SMG7: variants seen among roughly 807,000 people sequenced by gnomAD.
SMG7 encodes nonsense-mediated mRNA decay factor SMG7.
Under a neutral mutation model 148.2 loss-of-function variants are expected in SMG7, and 34 were observed. The observed-to-expected ratio is 0.23, with a 90% CI of 0.17 to 0.31. SMG7 has a LOEUF of 0.31. Among genes scored for constraint, SMG7 ranks in the 10% least tolerant of loss-of-function variants. The pLI is 1.00. For missense variants in SMG7, 1,114 were observed against 1,408.4 expected (o/e 0.79, Z 3.35); for synonymous variants, 492 against 515.1 (o/e 0.96, Z 0.61).
chr1:183,519,080 CT>C (rs1208859076), intron 4 of SMG7, among the ~76,000 whole-genome samples: 1 of 152,136 alleles, frequency 6.6e-6, no homozygotes, highest in Non-Finnish European at 1.5e-5. Context: ...GTAATCCCAG[CT>C]ACTCTGGAGG....
At position 183,551,828 on chromosome 1, in the gene SMG7, C is replaced by T. The variant is rs748907662; in HGVS notation, c.3461C>T (p.Ser1154Phe). 1 of 1,611,090 alleles carries T rather than the reference C, an allele frequency of 6.2e-7. No homozygotes were observed. The highest frequency in any genetic ancestry group is 1.1e-5 in the South Asian group (1 of 90,724). ...TGGACTGTTTTTCAGTCTATCTGGTCCAGTTCCATGATGCATCCTGGACCT... is the reference window on the plus strand; with the variant it reads ...TGGACTGTTTTTCAGTCTATCTGGTTCAGTTCCATGATGCATCCTGGACCT... The part of the protein sequence containing the change: ...VLMESLKSIW[S>F]SSMMHPGPSA... Residue 1154 changes from serine (S) to phenylalanine (F), a missense_variant, in exon 23 of 23, where the codon TCC becomes TTC. By Grantham distance (155) the Ser-to-Phe change is radical. This residue lies in a region of SMG7 where 788 missense variants were observed against 894.5 expected (regional missense o/e 0.88). Coordinates refer to ENST00000688051, the MANE Select transcript of SMG7 (RefSeq NM_001375584.1).
chr1:183,478,793 A>G (rs943606750), intron 1 of SMG7, among the ~76,000 whole-genome samples: 5 of 152,274 alleles, frequency 3.3e-5, no homozygotes, highest in African/African-American at 9.6e-5. Context: ...GAAAGTTTAG[A>G]TGGGTTAGTT....
At chr1:183,482,706 T>C (rs1221062273) in intron 1 of SMG7, among the ~76,000 whole-genome samples, 1 of 152,182 alleles carries the variant, frequency 6.6e-6, no homozygotes, top group Non-Finnish European at 1.5e-5. Flanking sequence ...CTGTGCCTAA[T>C]TTATAAGTTA....
In SMG7 at chr1:183,538,989, CA is replaced by C. The variant is rs879783059; in HGVS notation, c.1295+560del. ...TGAAACCCCGTCTCTACTAAAAATA[CA>C]AAAAAAAAAATTAGCCGGGCATGGT... On this transcript the variant is annotated intron_variant, in intron 12 of 22. Transcript: ENST00000688051. Among the ~76,000 whole-genome samples, 37 of 144,446 alleles carry C rather than the reference CA, an allele frequency of 2.6e-4. 1 individual carries two copies. Among genetic ancestry groups the C allele is most frequent in the Admixed American group, 4.8e-4 (7 of 14,488 alleles). The allele number at this position is 144,446 out of a possible 152,430, so 94.8% of individuals were successfully genotyped here.
chr1:183,546,778 G>A (rs1276093370), intron 17 of SMG7, among the ~76,000 whole-genome samples: 2 of 152,202 alleles, frequency 1.3e-5, no homozygotes, highest in Non-Finnish European at 2.9e-5. Context: ...GTGAATGTTA[G>A]TAACTTTTTA....
chr1:183,553,591 CAGAG>C lies in SMG7; in HGVS notation c.*1665_*1668del, dbSNP rs1671391616. On this transcript the variant is annotated 3_prime_UTR_variant, in exon 23 of 23. Transcript: ENST00000688051. ...GGGTGAGATAACGCTCATTGCTCTT[CAGAG>C]AGAGTGGTTGGAGCCCCCCCCGCCC... 6.1e-6 allele frequency: 1 copy of C among 163,038 alleles called. No homozygotes were observed. Among genetic ancestry groups the C allele is most frequent in the African/African-American group, 2.5e-5 (1 of 40,380 alleles). The allele number at this position is 163,038 out of a possible 1,614,324, so 10.1% of individuals were successfully genotyped here.
chr1:183,473,929 A>C (rs1651429985), intron 1 of SMG7: 1 of 967,894 alleles, frequency 1.0e-6, no homozygotes, highest in Non-Finnish European at 1.2e-6. Flanking sequence ...TAGGGTGGCC[A>C]TTATAATTTT....
chr1:183,534,814 C>T (rs998434579), intron 10 of SMG7, among the ~76,000 whole-genome samples: 2 of 151,696 alleles, frequency 1.3e-5, no homozygotes, highest in African/African-American at 4.8e-5. Flanking sequence ...TTGCGGTGAG[C>T]TGAGATCGCG....
At chr1:183,529,336 CCTT>C in intron 7 of SMG7, 59 bp from the exon 8 acceptor site, 3 of 1,573,282 alleles carry the variant, frequency 1.9e-6, no homozygotes, top group Non-Finnish European at 2.6e-6. Context: ...GCCAGTGCCT[CCTT>C]AAACAGTTGT....
At chr1:183,484,944 T>C (rs1422372192) in intron 1 of SMG7, among the ~76,000 whole-genome samples, 2 of 152,314 alleles carry the variant, frequency 1.3e-5, no homozygotes, top group Admixed American at 1.3e-4. Context: ...GTTCTGACAT[T>C]GAGGCTTGTA....
intron 14 of SMG7, 138 bp from the exon 15 acceptor site, chr1:183,544,210 TTTAAC>T (rs1460319157): frequency 1.2e-5 from 7 of 605,720 alleles, no homozygotes; most frequent in Non-Finnish European, 1.7e-5. Flanking sequence ...ATTTTCCATT[TTTAAC>T]TTAGGTGAAT....
At position 183,551,112 on chromosome 1, in the gene SMG7, C is replaced by T. The variant is rs767358158; in HGVS notation, c.3372C>T (p.Ala1124=). The stretch of plus-strand genomic sequence containing the variant: ...CCTCTGAGAGCAGTTGGCATCAGGC[C>T]AGCACTCCGAGTGGCACCTGGACAG... ...TSSSESSWHQ[A]STPSGTWTGH... is the part of the protein sequence containing the mutation. The change falls in exon 22 of 23, where the codon GCC becomes GCT. Residue 1124 remains alanine (A), a synonymous_variant. Transcript: ENST00000688051. 2 of 1,611,068 alleles carry T rather than the reference C, an allele frequency of 1.2e-6. No individual in the cohort carries two copies. The highest frequency in any genetic ancestry group is 2.2e-5 in the South Asian group (2 of 90,702).
rs1359559326 is a variant in SMG7, at chr1:183,544,967, G to A, written c.2025G>A (p.Val675=). 13 of 1,613,636 alleles carry A rather than the reference G, an allele frequency of 8.1e-6. No individual in the cohort carries two copies. The highest frequency in any genetic ancestry group is 1.1e-5 in the Non-Finnish European group (13 of 1,179,842). ...PPPTYVIPPP[V]AFSMGSGYTF... Reference sequence around the variant, plus strand: ...CAACATATGTTATCCCCCCGCCTGTGGCATTTTCTATGGGCTCAGGTTACA... The same window carrying A: ...CAACATATGTTATCCCCCCGCCTGTAGCATTTTCTATGGGCTCAGGTTACA... Residue 675 remains valine, a synonymous_variant, in exon 16 of 23, where the codon GTG becomes GTA. Transcript: ENST00000688051.
rs80290295 is a variant in SMG7 at position 183,538,029 on chromosome 1, A to G, written c.1235-351A>G. 2.4e-3 allele frequency among the ~76,000 whole-genome samples: 372 copies of G among 152,334 alleles called. 1 individual carries two copies. The highest frequency in any genetic ancestry group is 8.6e-3 in the African/African-American group (357 of 41,570). On this transcript the variant is annotated intron_variant, in intron 11 of 22. Transcript: ENST00000688051. Reference sequence around the variant, plus strand: ...GATTCTGCATTTCTTACAAGCTCTCAGATGATGTCAATGTTATTCAATACT... The same window carrying G: ...GATTCTGCATTTCTTACAAGCTCTCGGATGATGTCAATGTTATTCAATACT...
At chr1:183,539,910 G>C (rs1406109526) in intron 12 of SMG7, among the ~76,000 whole-genome samples, 1 of 152,150 alleles carries the variant, frequency 6.6e-6, no homozygotes, top group Non-Finnish European at 1.5e-5. Flanking sequence ...ACTGCCTATA[G>C]TTTTTAAGTA....
rs1336554659 is a variant in SMG7 at position 183,552,727 on chromosome 1, A to G, written c.*796A>G. 2 of 1,318,092 alleles carry G rather than the reference A, an allele frequency of 1.5e-6. No homozygotes were observed. The highest frequency in any genetic ancestry group is 1.9e-6 in the Non-Finnish European group (2 of 1,031,562). The allele number at this position is 1,318,092 out of a possible 1,614,324, so 81.6% of individuals were successfully genotyped here. A position where few individuals can be genotyped will look rare whatever the true frequency, so the allele number is the denominator to read the frequency against. ...GTAGACTGCTGTAGGATTTCAAATT[A>G]CGTTTTTGATTCCTGTACATTTTAC... is the stretch of plus-strand genomic sequence containing the variant. On this transcript the variant is annotated 3_prime_UTR_variant, in exon 23 of 23. Coordinates refer to ENST00000688051, the MANE Select transcript of SMG7 (RefSeq NM_001375584.1).
chr1:183,483,522 G>T (rs138710707), intron 1 of SMG7, among the ~76,000 whole-genome samples: 1,647 of 152,200 alleles, frequency 0.011, 11 homozygotes, highest in Non-Finnish European at 0.015. Flanking sequence ...AAGTAAAAAA[G>T]CATAGTGTTG....
chr1:183,486,750 G>A (rs1295905618), intron 1 of SMG7, among the ~76,000 whole-genome samples: 1 of 151,530 alleles, frequency 6.6e-6, no homozygotes, highest in Non-Finnish European at 1.5e-5. Flanking sequence ...TGTCACCCAG[G>A]CTGGACTCCA....
rs1669019120 is a variant in SMG7, at chr1:183,542,308, A to G, written c.1648A>G (p.Asn550Asp). Residue 550 changes from asparagine (N) to aspartate (D), a missense_variant, in exon 14 of 23, where the codon AAC becomes GAC. By Grantham distance (23) the Asn-to-Asp change is conservative. Transcript: ENST00000688051. ...GEKPVVTFKENIKTREVNRDQ... is the reference protein window; with the variant it reads ...GEKPVVTFKEDIKTREVNRDQ... ...GAAGCCAGTGGTTACCTTCAAAGAA[A>G]ACATTAAGACACGAGAAGTGAACAG... The G allele has an allele frequency of 6.2e-7, 1 of 1,614,176 alleles. No individual in the cohort carries two copies.
Sources: allele counts gnomAD v4.1 joint callset (sites outside exome capture counted in the v4.1 genomes callset), GRCh38; gene constraint gnomAD v4.1.1; regional missense constraint gnomAD v4.1.1; transcripts MANE v1.5; gene names NCBI Gene and HGNC (gene_info 2026-07-23, HGNC 2026-07-21).